The following BIVM variants were observed in gnomAD, a reference collection of about 807,000 sequenced individuals.
BIVM encodes basic, immunoglobulin-like variable motif containing, also known as basic immunoglobulin-like variable motif-containing protein.
Under a neutral mutation model 61.4 loss-of-function variants are expected in BIVM, and 31 were observed. The ratio of observed to expected loss-of-function variants is 0.51; its 90% CI spans 0.38 to 0.68. The LOEUF is 0.68. BIVM is among the 30% of genes least tolerant of loss of function. BIVM has a pLI of 0.00. For missense variants in BIVM, 526 were observed against 596.0 expected, an observed-to-expected ratio of 0.88 and a Z score of 1.22; for synonymous variants, 189 against 210.7, an observed-to-expected ratio of 0.90 and a Z score of 0.89.
intron 9 of BIVM, among the ~76,000 whole-genome samples, chr13:102,838,096 G>A (rs1271603147): frequency 6.6e-6 from 1 of 152,108 alleles, no homozygotes; most frequent in Non-Finnish European, 1.5e-5. Flanking sequence ...TCCTCAGTGT[G>A]TTATACTTTT....
chr13:102,805,528 G>T (rs766398302), intron 2 of BIVM, 138 bp downstream of exon 2: 2 of 152,102 alleles, frequency 1.3e-5, no homozygotes, highest in Admixed American at 6.5e-5. Flanking sequence ...CTTTATGGAG[G>T]TATAATTCAC....
rs190743880 is a variant in BIVM at position 102,815,674 on chromosome 13, G to A, written c.479-754G>A. Among the ~76,000 whole-genome samples, 8 of 152,118 alleles carry A rather than the reference G, an allele frequency of 5.3e-5. No homozygotes were observed. The East Asian group carries it at 1.2e-3, about 22-fold the overall frequency. On this transcript the variant is annotated intron_variant, in intron 3 of 10. Coordinates refer to ENST00000257336, the MANE Select transcript of BIVM (RefSeq NM_017693.4). ...GTACAAATTCTCACTCTTACTTTTG[G>A]CTTCCTTTTGTCTAGCTCCCAATTC...
Position 102,809,712 on chromosome 13 carries a change from G to A in BIVM, c.478+1967G>A, listed in dbSNP as rs376919991. 2.6e-5 allele frequency among the ~76,000 whole-genome samples: 4 copies of A among 151,902 alleles called. No individual in the cohort carries two copies. In the East Asian group the frequency reaches 7.7e-4, roughly 29 times the overall value. On this transcript the variant is annotated intron_variant, in intron 3 of 10. Transcript: ENST00000257336. ...CCATTTTTACGTGTACAGTTTAGTG[G>A]CATTAAGTACATTTACGTTGTTGTG...
chr13:102,824,950 A>AATAAT (rs1880562763), intron 7 of BIVM, among the ~76,000 whole-genome samples: 2 of 147,650 alleles, frequency 1.4e-5, no homozygotes, highest in African/African-American at 5.0e-5. Context: ...TAATTAATTA[A>AATAAT]TTTTTTTTTT....
intron 7 of BIVM, among the ~76,000 whole-genome samples, chr13:102,826,269 C>T (rs895723779): frequency 1.2e-4 from 19 of 152,292 alleles, no homozygotes; most frequent in African/African-American, 4.1e-4. Flanking sequence ...GACACACACT[C>T]ACCTGCACCT....
At chr13:102,829,122 AG>A (rs1471472903) in intron 7 of BIVM, among the ~76,000 whole-genome samples, 1 of 151,986 alleles carries the variant, frequency 6.6e-6, no homozygotes, top group Non-Finnish European at 1.5e-5. Context: ...TTGTCTTTGA[AG>A]GTGTAAAAAT....
At chr13:102,815,981 G>A (rs1367414383) in intron 3 of BIVM, among the ~76,000 whole-genome samples, 1 of 152,014 alleles carries the variant, frequency 6.6e-6, no homozygotes, top group Non-Finnish European at 1.5e-5. Context: ...TCTTAACAGA[G>A]TTGCTTTAAT....
At chr13:102,832,251 T>C (rs1881145748) in intron 8 of BIVM, among the ~76,000 whole-genome samples, 1 of 152,136 alleles carries the variant, frequency 6.6e-6, no homozygotes. Flanking sequence ...AGTGCAATGG[T>C]GTAATTATAG....
intron 7 of BIVM, among the ~76,000 whole-genome samples, chr13:102,825,363 G>C (rs1249922800): frequency 6.6e-6 from 1 of 152,122 alleles, no homozygotes; most frequent in East Asian, 1.9e-4. Context: ...CTCCCAAAGT[G>C]CTGGGATTAC....
At chr13:102,826,393 C>T (rs1396928327) in intron 7 of BIVM, among the ~76,000 whole-genome samples, 3 of 152,166 alleles carry the variant, frequency 2.0e-5, no homozygotes, top group African/African-American at 7.2e-5. Context: ...AATGAGCCAA[C>T]TCATTGAATC....
At chr13:102,830,154 C>T (rs1428496488) in intron 7 of BIVM, among the ~76,000 whole-genome samples, 1 of 152,150 alleles carries the variant, frequency 6.6e-6, no homozygotes, top group African/African-American at 2.4e-5. Context: ...GCTCTTTCTC[C>T]TTTGAATTCT....
chr13:102,819,365 T>G (rs60099521), intron 4 of BIVM, among the ~76,000 whole-genome samples: 1 of 152,064 alleles, frequency 6.6e-6, no homozygotes, highest in African/African-American at 2.4e-5. Flanking sequence ...AATTTGATGT[T>G]GTATGTTTTT....
rs1330238441 is a variant in BIVM, at chr13:102,799,169, C to T, written c.-559C>T. 6 of 389,716 alleles carry T rather than the reference C, an allele frequency of 1.5e-5. No individual in the cohort carries two copies. The highest frequency in any genetic ancestry group is 2.7e-5 in the Non-Finnish European group (6 of 221,170). 24.1% of individuals were successfully genotyped at this position (389,716 alleles called of 1,614,324 possible). On this transcript the variant is annotated 5_prime_UTR_variant, in exon 1 of 11. Coordinates refer to ENST00000257336, the MANE Select transcript of BIVM (RefSeq NM_017693.4). Reference sequence around the variant, plus strand: ...ACTGCCAGGATTTTACCACCTCTCGCCCATTTATTTACTTCTCGGTCACCG... The same window carrying T: ...ACTGCCAGGATTTTACCACCTCTCGTCCATTTATTTACTTCTCGGTCACCG...
intron 9 of BIVM, among the ~76,000 whole-genome samples, chr13:102,836,753 C>G (rs1881503330): frequency 2.0e-5 from 3 of 152,168 alleles, no homozygotes; most frequent in Admixed American, 6.5e-5. Flanking sequence ...CTGCTGAAAA[C>G]TGTATGTGTG....
intron 10 of BIVM, 53 bp downstream of exon 10, chr13:102,838,792 G>T: frequency 6.5e-7 from 1 of 1,541,488 alleles, no homozygotes; most frequent in Non-Finnish European, 8.9e-7. Context: ...CCAAAATGTG[G>T]TGTTTTACTT....
At chr13:102,823,122 A>G (rs371359264) in intron 7 of BIVM, among the ~76,000 whole-genome samples, 1 of 152,322 alleles carries the variant, frequency 6.6e-6, no homozygotes, top group Admixed American at 6.5e-5. Context: ...CTCTAAACTG[A>G]CTTAGCAGGA....
chr13:102,803,809 T>C (rs2139136538), intron 1 of BIVM, among the ~76,000 whole-genome samples: 1 of 152,072 alleles, frequency 6.6e-6, no homozygotes, highest in Non-Finnish European at 1.5e-5. Flanking sequence ...GGCATGAAGG[T>C]CACAGATGAG....
At chr13:102,809,898 G>A (rs1879371955) in intron 3 of BIVM, among the ~76,000 whole-genome samples, 1 of 150,894 alleles carries the variant, frequency 6.6e-6, no homozygotes, top group Non-Finnish European at 1.5e-5. Flanking sequence ...CCATTCTCCT[G>A]CCTCAGCCTC....
intron 1 of BIVM, among the ~76,000 whole-genome samples, chr13:102,804,557 C>T (rs1457988810): frequency 6.6e-6 from 1 of 152,136 alleles, no homozygotes. Context: ...ATGATCCACC[C>T]GCCTCGGCCT....
Sources: gnomAD v4.1 joint callset for allele counts (sites outside exome capture counted in the v4.1 genomes callset) on GRCh38, gnomAD v4.1.1 for gene constraint, MANE v1.5 for transcripts, NCBI Gene and HGNC (gene_info 2026-07-23, HGNC 2026-07-21) for gene names.